MBOAT1: variants seen among roughly 807,000 people sequenced by gnomAD.
MBOAT1 encodes the protein membrane bound glycerophospholipid O-acyltransferase 1.
In MBOAT1, 67 loss-of-function variants were observed where a neutral mutation model predicts 64.4. That is an observed-to-expected ratio of 1.04 (90% CI 0.85 to 1.27). MBOAT1 has a LOEUF of 1.27. Among genes scored for constraint, MBOAT1 ranks in the 50% most tolerant of loss-of-function variants. The pLI, the probability that MBOAT1 is intolerant of heterozygous loss-of-function variation, is 0.00. For missense variants in MBOAT1, 563 were observed against 604.6 expected, an observed-to-expected ratio of 0.93 and a Z score of 0.72; for synonymous variants, 229 against 218.9, an observed-to-expected ratio of 1.05 and a Z score of -0.41.
At chr6:20,127,260 G>A (rs1275142253) in intron 6 of MBOAT1, among the ~76,000 whole-genome samples, 2 of 152,184 alleles carry the variant, frequency 1.3e-5, no homozygotes, top group Non-Finnish European at 1.5e-5. Context: ...AGGGAAAAAA[G>A]TCTGTAGAGA....
chr6:20,206,231 T>C (rs1052036176), intron 1 of MBOAT1, among the ~76,000 whole-genome samples: 6 of 152,166 alleles, frequency 3.9e-5, no homozygotes, highest in African/African-American at 1.4e-4. Context: ...TGGAGTACAG[T>C]GGCACAATCT....
At chr6:20,111,168 T>G (rs1052878408) in intron 11 of MBOAT1, among the ~76,000 whole-genome samples, 9 of 151,698 alleles carry the variant, frequency 5.9e-5, no homozygotes, top group Non-Finnish European at 8.8e-5. Context: ...GTAGATCTTG[T>G]GGCACATGTG....
At chr6:20,188,321 C>T (rs565021702) in intron 1 of MBOAT1, among the ~76,000 whole-genome samples, 1 of 152,256 alleles carries the variant, frequency 6.6e-6, no homozygotes, top group South Asian at 2.1e-4. Context: ...CTCAGACAAA[C>T]CATACCATAC....
At chr6:20,186,819 G>T (rs1425103206) in intron 1 of MBOAT1, among the ~76,000 whole-genome samples, 1 of 152,140 alleles carries the variant, frequency 6.6e-6, no homozygotes, top group Non-Finnish European at 1.5e-5. Context: ...CTTGGGTCAG[G>T]CTCAGTGATC....
At chr6:20,134,882 T>C (rs1052375342) in intron 4 of MBOAT1, among the ~76,000 whole-genome samples, 18 of 150,072 alleles carry the variant, frequency 1.2e-4, no homozygotes, top group Admixed American at 6.7e-4. Context: ...ATTTATTGGT[T>C]TATGATTGGA....
intron 8 of MBOAT1, among the ~76,000 whole-genome samples, chr6:20,120,707 C>A: frequency 6.6e-6 from 1 of 152,226 alleles, no homozygotes; most frequent in African/African-American, 2.4e-5. Context: ...GTCAACAATG[C>A]CAGAATCTCA....
chr6:20,158,574 C>T (rs186688951), intron 1 of MBOAT1, among the ~76,000 whole-genome samples: 2 of 152,024 alleles, frequency 1.3e-5, no homozygotes, highest in East Asian at 1.9e-4. Context: ...AATAGGTAAA[C>T]GAAAGCACAC....
chr6:20,141,918 G>T (rs1761189353), intron 4 of MBOAT1, among the ~76,000 whole-genome samples: 1 of 152,154 alleles, frequency 6.6e-6, no homozygotes, highest in South Asian at 2.1e-4. Flanking sequence ...TACCTCCACA[G>T]GCACCTGTCT....
intron 4 of MBOAT1, among the ~76,000 whole-genome samples, chr6:20,134,983 A>C (rs960456109): frequency 4.6e-5 from 7 of 151,046 alleles, no homozygotes; most frequent in African/African-American, 1.7e-4. Flanking sequence ...AGGACAAAAA[A>C]AGGAGGAGAT....
chr6:20,212,042 A>G (rs559890567), intron 1 of MBOAT1, 94 bp downstream of exon 1: 1 of 1,073,698 alleles, frequency 9.3e-7, no homozygotes, highest in East Asian at 2.5e-5. Flanking sequence ...AAAATACGCC[A>G]TGGAGGCGGA....
At chr6:20,154,323 G>A (rs890452611) in intron 1 of MBOAT1, among the ~76,000 whole-genome samples, 8 of 152,174 alleles carry the variant, frequency 5.3e-5, no homozygotes, top group Admixed American at 5.2e-4. Context: ...CCTGAGGTCA[G>A]GAGTTTGAGA....
At chr6:20,204,517 C>T (rs1204159351) in intron 1 of MBOAT1, among the ~76,000 whole-genome samples, 1 of 151,734 alleles carries the variant, frequency 6.6e-6, no homozygotes, top group Non-Finnish European at 1.5e-5. Flanking sequence ...ATGGATAGGA[C>T]GCTATGGAGA....
intron 1 of MBOAT1, among the ~76,000 whole-genome samples, chr6:20,163,394 G>A (rs1212254006): frequency 6.6e-6 from 1 of 152,076 alleles, no homozygotes. Flanking sequence ...ATTAACATTG[G>A]CTAGCATTAA....
intron 12 of MBOAT1, among the ~76,000 whole-genome samples, chr6:20,105,809 C>G (rs546542913): frequency 4.6e-5 from 7 of 152,140 alleles, no homozygotes; most frequent in Admixed American, 2.0e-4. Flanking sequence ...CAAATTCTAA[C>G]GTTATTACCC....
At chr6:20,110,108 G>A (rs565754711) in intron 11 of MBOAT1, among the ~76,000 whole-genome samples, 72 of 151,366 alleles carry the variant, frequency 4.8e-4, no homozygotes, top group East Asian at 2.5e-3. Context: ...CTGGGGTTTC[G>A]CCATGTTGGC....
At chr6:20,114,248 G>A (rs560814617) in intron 10 of MBOAT1, among the ~76,000 whole-genome samples, 5 of 152,272 alleles carry the variant, frequency 3.3e-5, no homozygotes, top group Admixed American at 6.5e-5. Context: ...TATCAAAACA[G>A]TGGAATCTGC....
In MBOAT1 at chr6:20,164,109, ATG is replaced by A. The variant is rs760807823; in HGVS notation, c.100-11342_100-11341del. Among the ~76,000 whole-genome samples the A allele has an allele frequency of 4.9e-4, 74 of 150,982 alleles. 1 individual carries two copies. Among genetic ancestry groups the A allele is most frequent in the Non-Finnish European group, 2.4e-4 (16 of 67,862 alleles). The stretch of plus-strand genomic sequence containing the variant: ...AATATATACTTATGTTTACTATATA[ATG>A]TGTGTGTATAAAATCTATATATAAT... On this transcript the variant is annotated intron_variant, in intron 1 of 12. Coordinates refer to ENST00000324607, the MANE Select transcript of MBOAT1 (RefSeq NM_001080480.3).
chr6:20,167,126 A>G (rs1484576641), intron 1 of MBOAT1, among the ~76,000 whole-genome samples: 1 of 152,140 alleles, frequency 6.6e-6, no homozygotes, highest in East Asian at 1.9e-4. Flanking sequence ...AGTGTTGTCT[A>G]TTAGTTGCCC....
At chr6:20,107,730 A>G (rs919189249) in intron 12 of MBOAT1, among the ~76,000 whole-genome samples, 1 of 152,142 alleles carries the variant, frequency 6.6e-6, no homozygotes, top group Non-Finnish European at 1.5e-5. Flanking sequence ...TAATATGATC[A>G]ATATATTCCT....
Sources: gnomAD v4.1 joint callset for allele counts (sites outside exome capture counted in the v4.1 genomes callset) on GRCh38, gnomAD v4.1.1 for gene constraint, MANE v1.5 for transcripts, NCBI Gene and HGNC (gene_info 2026-07-23, HGNC 2026-07-21) for gene names.